NRG2: variants seen among roughly 807,000 people sequenced by gnomAD.
NRG2 encodes neuregulin 2.
NRG2 carries 27 observed loss-of-function variants against 73.9 expected under a neutral mutation model. That is an observed-to-expected ratio of 0.37 (90% confidence interval 0.27 to 0.50). The LOEUF is 0.50. NRG2 is among the 20% of genes least tolerant of loss of function. The probability of loss-of-function intolerance (pLI) is 0.96; values close to 1 mark genes in which losing one functional copy is unlikely to be tolerated. For synonymous variants in NRG2, 532 were observed against 541.0 expected (o/e 0.98, Z 0.23); for missense variants, 1,126 against 1,210.1 (o/e 0.93, Z 1.03).
At chr5:139,977,755 A>G (rs1437253371) in intron 1 of NRG2, among the ~76,000 whole-genome samples, 1 of 152,222 alleles carries the variant, frequency 6.6e-6, no homozygotes, top group African/African-American at 2.4e-5. Context: ...GATATAGACC[A>G]ACGGAACAGA....
rs766000353 is a variant in NRG2 at position 139,883,762 on chromosome 5, CTA to C, written c.873-2790_873-2789del. Among the ~76,000 whole-genome samples, 15 of 152,288 alleles carry C rather than the reference CTA, an allele frequency of 9.8e-5. No individual in the cohort carries two copies. The East Asian group carries it at 1.9e-3, about 20-fold the overall frequency. On this transcript the variant is annotated intron_variant, in intron 2 of 9. Coordinates refer to ENST00000361474, the MANE Select transcript of NRG2 (RefSeq NM_004883.3). ...TTGGTCGCAGGGAGTCAGAAGTTCT[CTA>C]TGATGGCCCACTCCTCCACCACTGA...
chr5:139,968,481 G>T (rs1417846911), intron 1 of NRG2, among the ~76,000 whole-genome samples: 1 of 152,188 alleles, frequency 6.6e-6, no homozygotes, highest in East Asian at 1.9e-4. Context: ...ACTTCATCTT[G>T]TTTGTGTGAG....
At chr5:140,007,929 C>T (rs933819785) in intron 1 of NRG2, among the ~76,000 whole-genome samples, 1 of 152,226 alleles carries the variant, frequency 6.6e-6, no homozygotes, top group African/African-American at 2.4e-5. Flanking sequence ...CCAACTCACA[C>T]AGCTATGGCG....
At chr5:139,934,623 T>A (rs1169626504) in intron 1 of NRG2, among the ~76,000 whole-genome samples, 1 of 152,040 alleles carries the variant, frequency 6.6e-6, no homozygotes, top group Non-Finnish European at 1.5e-5. Flanking sequence ...CCCAACCACA[T>A]CAGTAATCAC....
intron 1 of NRG2, among the ~76,000 whole-genome samples, chr5:140,009,107 A>G (rs1465867658): frequency 6.6e-6 from 1 of 152,196 alleles, no homozygotes. Flanking sequence ...TGGCACCACA[A>G]ACTTCCCTGA....
intron 1 of NRG2, among the ~76,000 whole-genome samples, chr5:139,976,197 A>G (rs1284772005): frequency 1.3e-5 from 2 of 152,170 alleles, no homozygotes; most frequent in African/African-American, 2.4e-5. Flanking sequence ...CCTGCTTTGG[A>G]ATTCCTGACA....
intron 1 of NRG2, among the ~76,000 whole-genome samples, chr5:140,002,606 G>A (rs1490861668): frequency 2.0e-5 from 3 of 152,204 alleles, no homozygotes; most frequent in Admixed American, 1.3e-4. Context: ...AAGGGAGAAC[G>A]TAGGAGCCGG....
At chr5:140,000,232 A>T (rs1758333290) in intron 1 of NRG2, among the ~76,000 whole-genome samples, 1 of 152,192 alleles carries the variant, frequency 6.6e-6, no homozygotes. Flanking sequence ...ATTATCAGGC[A>T]TTCTCTCCCT....
At chr5:139,982,498 A>C (rs1361457933) in intron 1 of NRG2, among the ~76,000 whole-genome samples, 1 of 152,072 alleles carries the variant, frequency 6.6e-6, no homozygotes, top group Non-Finnish European at 1.5e-5. Context: ...GTACCACGTG[A>C]CCTGGCACAT....
intron 1 of NRG2, among the ~76,000 whole-genome samples, chr5:140,003,735 TTG>T (rs1758678225): frequency 6.6e-6 from 1 of 152,162 alleles, no homozygotes. Context: ...AAAGGGGAGT[TTG>T]TCACTAGAGT....
Position 140,043,245 on chromosome 5 carries a change from G to T in NRG2, c.-176C>A. 1.6e-6 allele frequency: 1 copy of T among 613,228 alleles called. No homozygotes were observed. Among genetic ancestry groups the T allele is most frequent in the Non-Finnish European group, 2.7e-6 (1 of 365,606 alleles). The allele number at this position is 613,228 out of a possible 1,614,324, so 38.0% of individuals were successfully genotyped here. On this transcript the variant is annotated 5_prime_UTR_variant, in exon 1 of 10. Transcript: ENST00000361474. The surrounding 1 kb of genome is among the most constrained non-coding windows in gnomAD (Gnocchi z 6.7). ...GCAGGCGGCAAGCGGGCCGCGATGC[G>T]CAGCGCGGCGCAGCGCAGCGCTCCC...
Position 139,847,954 on chromosome 5 carries a change from G to A in NRG2, c.2516C>T (p.Pro839Leu). The A allele has an allele frequency of 6.6e-7, 1 of 1,507,496 alleles. No homozygotes were observed. Among genetic ancestry groups the A allele is most frequent in the East Asian group, 2.7e-5 (1 of 36,424 alleles). The allele number at this position is 1,507,496 out of a possible 1,614,324, so 93.4% of individuals were successfully genotyped here. A position where few individuals can be genotyped will look rare whatever the true frequency, so the allele number is the denominator to read the frequency against. ...CGAGTCCTGCTTGGCCCGCGGGGGCGGCCCGCGGCTGTGTCTGCTGCTGGC... is the reference window on the plus strand; with the variant it reads ...CGAGTCCTGCTTGGCCCGCGGGGGCAGCCCGCGGCTGTGTCTGCTGCTGGC... ...TRASSRHSRGPPPRAKQDSAP... is the reference protein window; with the variant it reads ...TRASSRHSRGLPPRAKQDSAP... The change falls in exon 10 of 10, where the codon CCG (proline) becomes CTG (leucine). Residue 839 changes from proline (P) to leucine (L), a missense_variant. Physicochemically the swap from Pro to Leu is moderately conservative, Grantham distance 98 (BLOSUM62 -3). Coordinates refer to ENST00000361474, the MANE Select transcript of NRG2 (RefSeq NM_004883.3).
chr5:139,860,433 G>A (rs1401463513), intron 5 of NRG2, among the ~76,000 whole-genome samples: 1 of 151,424 alleles, frequency 6.6e-6, no homozygotes. Flanking sequence ...TGTCCCTGCT[G>A]TGCCCCACAG....
At chr5:139,969,079 G>T (rs998371582) in intron 1 of NRG2, among the ~76,000 whole-genome samples, 2 of 152,240 alleles carry the variant, frequency 1.3e-5, no homozygotes, top group Non-Finnish European at 2.9e-5. Flanking sequence ...GAACATGAAG[G>T]ATATAGTGTT....
chr5:139,919,568 C>T (rs972025891), intron 1 of NRG2, among the ~76,000 whole-genome samples: 1 of 152,006 alleles, frequency 6.6e-6, no homozygotes, highest in African/African-American at 2.4e-5. Flanking sequence ...CTCTGAGCAT[C>T]TAGTACATGC....
At chr5:139,882,929 G>A (rs3777099) in intron 2 of NRG2, among the ~76,000 whole-genome samples, 9,130 of 152,192 alleles carry the variant, frequency 0.06, 728 homozygotes, top group African/African-American at 0.18. Flanking sequence ...AGGGGACAGA[G>A]ATAATGACCC....
At chr5:140,026,225 G>C (rs558834535) in intron 1 of NRG2, among the ~76,000 whole-genome samples, 1 of 152,336 alleles carries the variant, frequency 6.6e-6, no homozygotes, top group African/African-American at 2.4e-5. Flanking sequence ...ATCACAGATA[G>C]GTAGGGGCCA....
chr5:139,952,558 A>G (rs1415645096), intron 1 of NRG2, among the ~76,000 whole-genome samples: 1 of 152,174 alleles, frequency 6.6e-6, no homozygotes, highest in African/African-American at 2.4e-5. Context: ...ACCTGGTTTC[A>G]AGTGGGTCCT....
At chr5:139,980,475 T>G (rs917249748) in intron 1 of NRG2, among the ~76,000 whole-genome samples, 5 of 152,032 alleles carry the variant, frequency 3.3e-5, no homozygotes, top group Non-Finnish European at 7.4e-5. Flanking sequence ...ATAAATAAGC[T>G]CTGCTCTTAG....
Sources: allele counts gnomAD v4.1 joint callset (sites outside exome capture counted in the v4.1 genomes callset), GRCh38; gene constraint gnomAD v4.1.1; non-coding constraint Gnocchi (gnomAD v3.1); transcripts MANE v1.5; gene names NCBI Gene and HGNC (gene_info 2026-07-23, HGNC 2026-07-21).